Variants in FGF1 observed in about 807,000 individuals in gnomAD.
FGF1 encodes the protein beta-endothelial cell growth factor.
A neutral mutation model predicts 13.4 loss-of-function variants in FGF1; 9 were observed. The observed-to-expected ratio is 0.67, with a 90% CI of 0.40 to 1.17. FGF1 has a LOEUF of 1.17. Ranked by LOEUF, FGF1 falls within the 50% of genes most tolerant of loss-of-function variation. The pLI, the probability that FGF1 is intolerant of heterozygous loss-of-function variation, is 0.01. For synonymous variants in FGF1, 93 were observed against 79.0 expected, an observed-to-expected ratio of 1.18 and a Z score of -0.94; for missense variants, 156 against 192.7, an observed-to-expected ratio of 0.81 and a Z score of 1.13.
intron 2 of FGF1, among the ~76,000 whole-genome samples, chr5:142,602,235 G>A (rs887244463): frequency 3.3e-5 from 5 of 151,620 alleles, no homozygotes; most frequent in African/African-American, 1.2e-4. Flanking sequence ...GAAGTGCAGT[G>A]GCGCGATCTC....
upstream of FGF1, among the ~76,000 whole-genome samples, chr5:142,687,849 C>T (rs1321541558): frequency 6.6e-6 from 1 of 152,168 alleles, no homozygotes; most frequent in African/African-American, 2.4e-5. Flanking sequence ...GTTAACCTGC[C>T]TGCACTGTGT....
intron 2 of FGF1, among the ~76,000 whole-genome samples, chr5:142,697,416 A>G (rs1024674095): frequency 1.3e-5 from 2 of 152,132 alleles, no homozygotes. Context: ...TCTTTCTGGG[A>G]GTGAATTGGC....
chr5:142,690,690 C>T (rs372336098), upstream of FGF1, among the ~76,000 whole-genome samples: 2 of 152,166 alleles, frequency 1.3e-5, no homozygotes, highest in East Asian at 1.9e-4. Context: ...CTACCCTAAC[C>T]CTCTACAGTT....
At chr5:142,628,312 C>T (rs1360749516) in intron 1 of FGF1, among the ~76,000 whole-genome samples, 1 of 152,076 alleles carries the variant, frequency 6.6e-6, no homozygotes, top group East Asian at 1.9e-4. Context: ...AGTTTGAGAC[C>T]AGCCTGACCA....
At chr5:142,644,452 A>G (rs1259734718) in intron 1 of FGF1, among the ~76,000 whole-genome samples, 2 of 151,788 alleles carry the variant, frequency 1.3e-5, no homozygotes, top group African/African-American at 4.8e-5. Context: ...ACACACGTAC[A>G]TCTTGGTCTG....
At chr5:142,606,005 G>T (rs563771333) in intron 2 of FGF1, among the ~76,000 whole-genome samples, 1 of 151,482 alleles carries the variant, frequency 6.6e-6, no homozygotes, top group Admixed American at 6.6e-5. Flanking sequence ...AGGGTTGGGG[G>T]ACAGAAAACC....
At chr5:142,628,717 C>T (rs538727570) in intron 1 of FGF1, among the ~76,000 whole-genome samples, 2 of 152,262 alleles carry the variant, frequency 1.3e-5, no homozygotes, top group East Asian at 3.9e-4. Context: ...TGTCCACTGC[C>T]CCCTGTCATG....
At chr5:142,651,034 G>A (rs918784621) in intron 1 of FGF1, among the ~76,000 whole-genome samples, 5 of 152,226 alleles carry the variant, frequency 3.3e-5, no homozygotes, top group South Asian at 2.1e-4. Flanking sequence ...TGGTGCAAAC[G>A]CAGCTTCAAT....
In FGF1 at chr5:142,614,029, G is replaced by A. The variant is rs747061843; in HGVS notation, c.99C>T (p.Asn33=). ...GAAGGATCCTCAGGAAGTGGCCCCC[G>A]TTGCTACAGTAGAGGAGTTTGGGCT... The part of the protein sequence containing the change: ...YKKPKLLYCS[N]GGHFLRILPD... The change falls in exon 2 of 4, where the codon AAC becomes AAT. Residue 33 remains asparagine, a synonymous_variant. Transcript: ENST00000337706. 4.1e-5 allele frequency: 66 copies of A among 1,613,998 alleles called. No individual in the cohort carries two copies. The highest frequency in any genetic ancestry group is 8.8e-5 in the South Asian group (8 of 91,080).
At chr5:142,666,391 G>A (rs1770365945) in intron 1 of FGF1, among the ~76,000 whole-genome samples, 2 of 151,850 alleles carry the variant, frequency 1.3e-5, no homozygotes, top group Admixed American at 1.3e-4. Context: ...TACTGGATAG[G>A]ATGGGGTGTA....
chr5:142,593,184 A>C lies in FGF1; in HGVS notation c.*2106T>G, dbSNP rs1754608299. On this transcript the variant is annotated 3_prime_UTR_variant, in exon 4 of 4. Transcript: ENST00000337706. ...TGTTATGCTTGAGTTTGATTCATAC[A>C]ATAAAAAGTATGGACCATTATAATT... The C allele has an allele frequency of 3.3e-5, 5 of 152,332 alleles. No homozygotes were observed. The South Asian group carries it at 1.0e-3, about 32-fold the overall frequency. The allele number at this position is 152,332 out of a possible 1,614,324, so 9.4% of individuals were successfully genotyped here. A position where few individuals can be genotyped will look rare whatever the true frequency, so the allele number is the denominator to read the frequency against.
chr5:142,596,003 A>C (rs1755164011), intron 3 of FGF1, among the ~76,000 whole-genome samples: 1 of 152,246 alleles, frequency 6.6e-6, no homozygotes, highest in African/African-American at 2.4e-5. Flanking sequence ...AAAGCTGCTA[A>C]AATGCCTTTT....
chr5:142,685,242 G>A (rs943690772), intron 1 of FGF1, among the ~76,000 whole-genome samples: 8 of 152,286 alleles, frequency 5.3e-5, no homozygotes, highest in South Asian at 2.1e-4. Context: ...GTACTGAAAC[G>A]AGGATGTGAT....
chr5:142,602,397 G>A (rs1311892475), intron 2 of FGF1, among the ~76,000 whole-genome samples: 7 of 152,006 alleles, frequency 4.6e-5, no homozygotes, highest in South Asian at 4.1e-4. Context: ...GGCTGGTCTC[G>A]AATTCCTGAC....
chr5:142,616,701 C>G (rs529873693), intron 1 of FGF1, among the ~76,000 whole-genome samples: 128 of 152,284 alleles, frequency 8.4e-4, no homozygotes, highest in Admixed American at 2.1e-3. Flanking sequence ...CAGCCTCTCA[C>G]TCTAACTCCT....
intron 2 of FGF1, among the ~76,000 whole-genome samples, chr5:142,602,852 A>T (rs529548679): frequency 6.6e-6 from 1 of 152,130 alleles, no homozygotes; most frequent in Non-Finnish European, 1.5e-5. Flanking sequence ...TTCTCTGTTA[A>T]TATGCCTGTA....
intron 1 of FGF1, among the ~76,000 whole-genome samples, chr5:142,643,104 T>C (rs151058715): frequency 1.4e-4 from 22 of 152,320 alleles, no homozygotes; most frequent in African/African-American, 5.1e-4. Flanking sequence ...GGAGGCTCCA[T>C]GGCTTCTGCC....
intron 2 of FGF1, among the ~76,000 whole-genome samples, chr5:142,691,153 G>T (rs1752144640): frequency 6.6e-6 from 1 of 152,142 alleles, no homozygotes. Context: ...GGGCGTGGTG[G>T]CTCATGCCTA....
At chr5:142,645,912 T>C (rs929050631) in intron 1 of FGF1, among the ~76,000 whole-genome samples, 3 of 152,298 alleles carry the variant, frequency 2.0e-5, no homozygotes, top group Non-Finnish European at 1.5e-5. Flanking sequence ...TTTTGTTTTT[T>C]TTGTTTGTTT....
Sources: gnomAD v4.1 joint callset for allele counts (sites outside exome capture counted in the v4.1 genomes callset) on GRCh38, gnomAD v4.1.1 for gene constraint, MANE v1.5 for transcripts, NCBI Gene and HGNC (gene_info 2026-07-23, HGNC 2026-07-21) for gene names.